The following PPP2R2C variants were observed in gnomAD, a reference collection of about 807,000 sequenced individuals.
PPP2R2C encodes protein phosphatase 2 regulatory subunit Bgamma.
A neutral mutation model predicts 45.3 loss-of-function variants in PPP2R2C; 10 were observed. The observed-to-expected ratio is 0.22, with a 90% CI of 0.14 to 0.37. The LOEUF (loss-of-function observed/expected upper bound fraction) is 0.37, where lower values mean the gene tolerates loss of function less well. Ranked by LOEUF, PPP2R2C falls within the 10% of genes least tolerant of loss-of-function variation. The probability of loss-of-function intolerance (pLI) is 1.00; values close to 1 mark genes in which losing one functional copy is unlikely to be tolerated. For missense variants in PPP2R2C, 308 were observed against 619.7 expected (o/e 0.50, Z 5.34); for synonymous variants, 257 against 245.4 (o/e 1.05, Z -0.44).
At chr4:6,393,072 A>T (rs2109335969) in intron 1 of PPP2R2C, among the ~76,000 whole-genome samples, 1 of 152,332 alleles carries the variant, frequency 6.6e-6, no homozygotes, top group South Asian at 2.1e-4. Context: ...ACATAACATG[A>T]AATTCACCAC....
intron 1 of PPP2R2C, among the ~76,000 whole-genome samples, chr4:6,542,253 G>A (rs1163217366): frequency 6.6e-6 from 1 of 152,232 alleles, no homozygotes; most frequent in African/African-American, 2.4e-5. Flanking sequence ...CCACACTGGA[G>A]GCAGAAGCCA....
intron 1 of PPP2R2C, chr4:6,383,071 T>G: frequency 9.1e-7 from 1 of 1,093,850 alleles, no homozygotes; most frequent in Non-Finnish European, 1.1e-6. Context: ...CCCTGTGTTT[T>G]GCTTTGGCCT....
chr4:6,426,585 C>T (rs577791307), intron 1 of PPP2R2C, among the ~76,000 whole-genome samples: 173 of 152,254 alleles, frequency 1.1e-3, no homozygotes, highest in Non-Finnish European at 2.0e-3. Flanking sequence ...CAGACACAAG[C>T]ATCACCTCCT....
At position 6,320,691 on chromosome 4, in the gene PPP2R2C, C is replaced by T. The variant is rs1731491492; in HGVS notation, c.*2611G>A. 6.6e-6 allele frequency: 1 copy of T among 152,422 alleles called. No individual in the cohort carries two copies. Among genetic ancestry groups the T allele is most frequent in the African/African-American group, 2.4e-5 (1 of 41,414 alleles). The allele number at this position is 152,422 out of a possible 1,614,324, so 9.4% of individuals were successfully genotyped here. ...GACACCAAAGAAAAAAAGAATGCAC[C>T]TATGAGTTACAGAGTCCAAACTGAT... On this transcript the variant is annotated 3_prime_UTR_variant, in exon 9 of 9. Coordinates refer to ENST00000382599, the MANE Select transcript of PPP2R2C (RefSeq NM_020416.4).
chr4:6,489,320 G>C (rs1212179529), intron 2 of PPP2R2C, among the ~76,000 whole-genome samples: 1 of 151,990 alleles, frequency 6.6e-6, no homozygotes, highest in Non-Finnish European at 1.5e-5. Flanking sequence ...GCTAAGTCTG[G>C]TCCCTGTTAT....
intron 5 of PPP2R2C, chr4:6,350,312 A>G (rs2109232058): frequency 1.0e-6 from 1 of 985,470 alleles, no homozygotes; most frequent in East Asian, 1.1e-4. Flanking sequence ...AGCAGCTCTC[A>G]GGTCCTTACT....
At position 6,329,216 on chromosome 4, in the gene PPP2R2C, A is replaced by G; in HGVS notation, c.1052+46T>C. 3 of 1,562,214 alleles carry G rather than the reference A, an allele frequency of 1.9e-6. No individual in the cohort carries two copies. Among genetic ancestry groups the G allele is most frequent in the Non-Finnish European group, 2.6e-6 (3 of 1,135,300 alleles). ...CAGCCCAGACCCCTGCAGGGCAGAA[A>G]CCCTCCCTACGGTGAGGTGAGGTGC... On this transcript the variant is annotated intron_variant, in intron 8 of 8. Transcript: ENST00000382599. The surrounding 1 kb of genome is among the most constrained non-coding windows in gnomAD (Gnocchi z 5.8).
At chr4:6,397,390 G>T (rs550647813) in intron 1 of PPP2R2C, among the ~76,000 whole-genome samples, 1 of 152,360 alleles carries the variant, frequency 6.6e-6, no homozygotes, top group South Asian at 2.1e-4. Context: ...TGTTGCCTGG[G>T]AAGAAACATC....
chr4:6,554,959 G>GA lies in PPP2R2C; in HGVS notation c.-59+8600dup, dbSNP rs1317267398. ...AGAAAGAAAGAAAGAAAGAAAGAAA[G>GA]AAAGAAAGAGAAAGAAAGAAAAGAG... On this transcript the variant is annotated intron_variant, in intron 1 of 9. Transcript: ENST00000506140. 4.0e-3 allele frequency among the ~76,000 whole-genome samples: 553 copies of GA among 139,032 alleles called. 11 individuals carry two copies. The highest frequency in any genetic ancestry group is 0.031 in the South Asian group (128 of 4,132). The allele number at this position is 139,032 out of a possible 152,430, so 91.2% of individuals were successfully genotyped here.
intron 1 of PPP2R2C, among the ~76,000 whole-genome samples, chr4:6,443,700 T>C (rs1720271930): frequency 6.6e-6 from 1 of 152,206 alleles, no homozygotes; most frequent in African/African-American, 2.4e-5. Context: ...ATGATGGCAA[T>C]GCCCAGCTTG....
intron 8 of PPP2R2C, among the ~76,000 whole-genome samples, chr4:6,327,389 T>C (rs73795971): frequency 0.19 from 29,349 of 152,024 alleles, 5,933 homozygotes; most frequent in African/African-American, 0.51. Flanking sequence ...TAGACACCAC[T>C]GTCAGCCTGG....
At chr4:6,373,410 G>A (rs1207511989) in intron 4 of PPP2R2C, among the ~76,000 whole-genome samples, 1 of 152,184 alleles carries the variant, frequency 6.6e-6, no homozygotes, top group Non-Finnish European at 1.5e-5. Flanking sequence ...GTTGGTGCGA[G>A]GAGTCCTTGC....
chr4:6,361,204 T>C (rs893626813), intron 5 of PPP2R2C, among the ~76,000 whole-genome samples: 3 of 152,158 alleles, frequency 2.0e-5, no homozygotes, highest in African/African-American at 7.2e-5. Flanking sequence ...GAACCCAGCT[T>C]GCTGGAACCG....
At chr4:6,382,409 C>G (rs1439960525) in intron 1 of PPP2R2C, 3 of 1,351,562 alleles carry the variant, frequency 2.2e-6, no homozygotes, top group Admixed American at 1.9e-5. Context: ...CCACAGGGTT[C>G]CCTGTCCCAG....
intron 1 of PPP2R2C, among the ~76,000 whole-genome samples, chr4:6,444,196 G>A (rs6856476): frequency 0.13 from 20,080 of 152,212 alleles, 1,396 homozygotes; most frequent in African/African-American, 0.16. Context: ...CATGGCTAGA[G>A]GCAGTGGCCC....
intron 1 of PPP2R2C, among the ~76,000 whole-genome samples, chr4:6,430,948 A>C (rs996024719): frequency 6.6e-6 from 1 of 152,004 alleles, no homozygotes; most frequent in African/African-American, 2.4e-5. Flanking sequence ...CAACAACAAA[A>C]AAAAAACTTT....
chr4:6,546,171 G>A (rs1724975535), intron 1 of PPP2R2C, among the ~76,000 whole-genome samples: 2 of 152,188 alleles, frequency 1.3e-5, no homozygotes, highest in Non-Finnish European at 2.9e-5. Context: ...GCAAGGTCAG[G>A]TTTATGGTCA....
intron 1 of PPP2R2C, among the ~76,000 whole-genome samples, chr4:6,413,485 TAGTG>T (rs1348533368): frequency 1.4e-4 from 22 of 152,144 alleles, no homozygotes; most frequent in African/African-American, 4.8e-4. Flanking sequence ...GGAGCATACT[TAGTG>T]AGCCCAACAC....
intron 1 of PPP2R2C, among the ~76,000 whole-genome samples, chr4:6,451,380 A>C (rs952567622): frequency 6.6e-6 from 1 of 152,138 alleles, no homozygotes; most frequent in South Asian, 2.1e-4. Context: ...TTTCCTAAAC[A>C]TCCCATGAGC....
Sources: gnomAD v4.1 joint callset for allele counts (sites outside exome capture counted in the v4.1 genomes callset) on GRCh38, gnomAD v4.1.1 for gene constraint, Gnocchi (gnomAD v3.1) non-coding constraint, MANE v1.5 for transcripts, NCBI Gene and HGNC (gene_info 2026-07-23, HGNC 2026-07-21) for gene names.